LRRC4C: variants seen among roughly 807,000 people sequenced by gnomAD.
The protein encoded by LRRC4C is leucine-rich repeat-containing protein 4C.
LRRC4C carries 5 observed loss-of-function variants against 33.6 expected under a neutral mutation model. The ratio of observed to expected loss-of-function variants is 0.15; its 90% CI spans 0.08 to 0.31. The LOEUF (loss-of-function observed/expected upper bound fraction) is 0.31. Ranked by LOEUF, LRRC4C falls within the 10% of genes least tolerant of loss-of-function variation. The probability of loss-of-function intolerance (pLI) is 1.00; values close to 1 mark genes in which losing one functional copy is unlikely to be tolerated. For synonymous variants in LRRC4C, 329 were observed against 302.0 expected, an observed-to-expected ratio of 1.09 and a Z score of -0.93; for missense variants, 560 against 796.7, an observed-to-expected ratio of 0.70 and a Z score of 3.58.
At chr11:40,914,250 A>G (rs1956837386) in intron 2 of LRRC4C, among the ~76,000 whole-genome samples, 1 of 152,224 alleles carries the variant, frequency 6.6e-6, no homozygotes, top group Non-Finnish European at 1.5e-5. Flanking sequence ...ACAAAAAAAG[A>G]GAATTTTAGG....
At chr11:41,012,507 C>T (rs1428989950) in intron 1 of LRRC4C, among the ~76,000 whole-genome samples, 2 of 152,040 alleles carry the variant, frequency 1.3e-5, no homozygotes. Context: ...TACACTGATT[C>T]CATATTTTGG....
chr11:40,127,297 T>A lies in LRRC4C; in HGVS notation c.-42-10963A>T, dbSNP rs575820081. On this transcript the variant is annotated intron_variant, in intron 6 of 6. Coordinates refer to ENST00000528697, the MANE Select transcript of LRRC4C (RefSeq NM_001258419.2). ...CTCAAAAAAAGCAAAAAAAAAAATATAGAGATTTGGAATTTTATGCAGGTC... is the reference window on the plus strand; with the variant it reads ...CTCAAAAAAAGCAAAAAAAAAAATAAAGAGATTTGGAATTTTATGCAGGTC... 1.2e-4 allele frequency among the ~76,000 whole-genome samples: 18 copies of A among 149,112 alleles called. No individual in the cohort carries two copies. In the South Asian group the frequency reaches 3.4e-3, roughly 28 times the overall value.
chr11:40,495,911 C>T (rs935665437), intron 3 of LRRC4C, among the ~76,000 whole-genome samples: 17 of 139,288 alleles, frequency 1.2e-4, no homozygotes, highest in African/African-American at 4.6e-4. Context: ...CTCACTACAA[C>T]CTCCGCCCCC....
intron 3 of LRRC4C, among the ~76,000 whole-genome samples, chr11:40,556,811 T>C (rs189316423): frequency 1.4e-4 from 21 of 152,318 alleles, no homozygotes; most frequent in Middle Eastern, 3.4e-3. Context: ...TCAAAAGTTC[T>C]ATAATACTAA....
chr11:40,748,842 G>A (rs1001781141), intron 2 of LRRC4C, among the ~76,000 whole-genome samples: 5 of 152,044 alleles, frequency 3.3e-5, no homozygotes, highest in African/African-American at 1.2e-4. Context: ...TACATATATT[G>A]ATTAAACCAG....
intron 1 of LRRC4C, among the ~76,000 whole-genome samples, chr11:41,106,203 C>G (rs190224656): frequency 6.6e-6 from 1 of 151,576 alleles, no homozygotes; most frequent in East Asian, 1.9e-4. Flanking sequence ...AATACTTTAC[C>G]TTTATTATAT....
rs181877775 is a variant in LRRC4C at position 40,253,876 on chromosome 11, C to T, written c.-175-12278G>A. 2.9e-3 allele frequency among the ~76,000 whole-genome samples: 449 copies of T among 152,262 alleles called. 6 individuals carry two copies. The highest frequency in any genetic ancestry group is 0.01 in the African/African-American group (433 of 41,550). On this transcript the variant is annotated intron_variant, in intron 4 of 6. Transcript: ENST00000528697. ...TAATAGTTATAAAGTGCTTATCATA[C>T]GTTATTACTTTGAGGTACTGCTTAC...
At chr11:40,908,550 A>G in intron 2 of LRRC4C, among the ~76,000 whole-genome samples, 1 of 152,278 alleles carries the variant, frequency 6.6e-6, no homozygotes, top group East Asian at 1.9e-4. Flanking sequence ...ATGAAAAATA[A>G]ATTAAAAACC....
At chr11:41,342,621 A>G (rs146173958) in intron 1 of LRRC4C, among the ~76,000 whole-genome samples, 72 of 152,266 alleles carry the variant, frequency 4.7e-4, no homozygotes, top group African/African-American at 1.7e-3. Flanking sequence ...AGGCTTAGGT[A>G]GGAGAATCCT....
At chr11:41,205,071 T>C (rs892612391) in intron 1 of LRRC4C, among the ~76,000 whole-genome samples, 1 of 152,082 alleles carries the variant, frequency 6.6e-6, no homozygotes, top group African/African-American at 2.4e-5. Flanking sequence ...GTATACAAAA[T>C]CCCTGAATAT....
At chr11:40,395,709 G>A (rs1441055253) in intron 3 of LRRC4C, among the ~76,000 whole-genome samples, 3 of 152,018 alleles carry the variant, frequency 2.0e-5, no homozygotes, top group Non-Finnish European at 2.9e-5. Flanking sequence ...ATTTCTGGAC[G>A]GGTGCAGTGG....
At chr11:40,606,479 T>C (rs1960603393) in intron 3 of LRRC4C, among the ~76,000 whole-genome samples, 1 of 151,750 alleles carries the variant, frequency 6.6e-6, no homozygotes, top group Admixed American at 6.6e-5. Context: ...TTTTTTCAAA[T>C]GAATGATAAC....
Position 41,032,048 on chromosome 11 carries a change from A to G in LRRC4C, c.-495-98325T>C, listed in dbSNP as rs202114534. 2.7e-4 allele frequency among the ~76,000 whole-genome samples: 41 copies of G among 152,162 alleles called. No individual in the cohort carries two copies. In the East Asian group the frequency reaches 8.0e-3, roughly 30 times the overall value. On this transcript the variant is annotated intron_variant, in intron 1 of 6. Transcript: ENST00000528697. ...GAGCTCTCCAGTTGAGCTGGGGCTC[A>G]AGGAAGGAAACCAGGGATAAACAGA... is the stretch of plus-strand genomic sequence containing the variant.
intron 1 of LRRC4C, among the ~76,000 whole-genome samples, chr11:41,362,610 A>G (rs1358274544): frequency 6.6e-6 from 1 of 152,156 alleles, no homozygotes; most frequent in Non-Finnish European, 1.5e-5. Flanking sequence ...TACCTCTGTA[A>G]CAAATTACCA....
At chr11:41,268,325 T>C (rs1949216548) in intron 1 of LRRC4C, among the ~76,000 whole-genome samples, 1 of 152,096 alleles carries the variant, frequency 6.6e-6, no homozygotes, top group Admixed American at 6.6e-5. Flanking sequence ...GGGCAACACC[T>C]TGATCACAGC....
chr11:40,691,200 C>CA lies in LRRC4C; in HGVS notation c.-406-42923dup, dbSNP rs568680769. 4.6e-3 allele frequency among the ~76,000 whole-genome samples: 688 copies of CA among 150,376 alleles called. 7 individuals are homozygous for CA. The highest frequency in any genetic ancestry group is 0.024 in the East Asian group (121 of 5,132). On this transcript the variant is annotated intron_variant, in intron 2 of 6. Transcript: ENST00000528697. ...TTAATTTTATAAACTTGATAAAAAA[C>CA]AAAAAAAAACCCATGTCTTGTGGGG... is the stretch of plus-strand genomic sequence containing the variant.
intron 1 of LRRC4C, among the ~76,000 whole-genome samples, chr11:41,127,683 A>G (rs1475231181): frequency 6.6e-6 from 1 of 151,896 alleles, no homozygotes; most frequent in Non-Finnish European, 1.5e-5. Flanking sequence ...TTCCTATGTT[A>G]TTGTGGGGCC....
chr11:40,657,705 T>C (rs764623284), intron 2 of LRRC4C, among the ~76,000 whole-genome samples: 3 of 152,280 alleles, frequency 2.0e-5, no homozygotes, highest in South Asian at 4.1e-4. Context: ...TTGTCTTCTG[T>C]CTTCCTAAAA....
At chr11:40,561,059 AG>A (rs1252590026) in intron 3 of LRRC4C, among the ~76,000 whole-genome samples, 1 of 152,208 alleles carries the variant, frequency 6.6e-6, no homozygotes, top group African/African-American at 2.4e-5. Context: ...TATCTTCATG[AG>A]GACTTATCAT....
Sources: allele counts gnomAD v4.1 joint callset (sites outside exome capture counted in the v4.1 genomes callset), GRCh38; gene constraint gnomAD v4.1.1; transcripts MANE v1.5; gene names NCBI Gene and HGNC (gene_info 2026-07-23, HGNC 2026-07-21).